Variants in PIBF1 observed in about 807,000 individuals in gnomAD.
PIBF1 encodes progesterone immunomodulatory binding factor 1.
Under a neutral mutation model 112.5 loss-of-function variants are expected in PIBF1, and 90 were observed. That is an observed-to-expected ratio of 0.80 (90% CI 0.67 to 0.95). The LOEUF is 0.95. PIBF1 is among the 40% of genes least tolerant of loss of function. PIBF1 has a pLI of 0.00. For missense variants in PIBF1, 915 were observed against 852.3 expected (o/e 1.07, Z -0.92); for synonymous variants, 301 against 288.6 (o/e 1.04, Z -0.44).
intron 8 of PIBF1, among the ~76,000 whole-genome samples, chr13:72,833,786 G>C (rs1471073633): frequency 6.6e-6 from 1 of 152,202 alleles, no homozygotes; most frequent in Admixed American, 6.5e-5. Context: ...TGTGCTGGGA[G>C]ACCCACTGCT....
chr13:73,008,244 C>T (rs886699723), intron 17 of PIBF1, among the ~76,000 whole-genome samples: 1 of 152,162 alleles, frequency 6.6e-6, no homozygotes, highest in Non-Finnish European at 1.5e-5. Flanking sequence ...TGAGTTCATA[C>T]AGCAAAATAT....
Position 72,995,571 on chromosome 13 carries a change from A to G in PIBF1, c.2050-3251A>G, listed in dbSNP as rs2043625771. ...TCAGTACATGATGTTGTTATAGGAG[A>G]GCCATCTTGAGGGGACAGATGTTGT... On this transcript the variant is annotated intron_variant, in intron 16 of 17. Coordinates refer to ENST00000326291, the MANE Select transcript of PIBF1 (RefSeq NM_006346.4). Among the ~76,000 whole-genome samples, 7 of 152,272 alleles carry G rather than the reference A, an allele frequency of 4.6e-5. No homozygotes were observed. The South Asian group carries it at 1.4e-3, about 32-fold the overall frequency.
intron 16 of PIBF1, among the ~76,000 whole-genome samples, chr13:72,985,325 A>G (rs950233122): frequency 1.3e-5 from 2 of 149,790 alleles, no homozygotes; most frequent in Non-Finnish European, 3.0e-5. Context: ...CAGGAGATCA[A>G]GACCATCCTG....
intron 6 of PIBF1, 127 bp from the exon 7 acceptor site, chr13:72,826,883 G>A (rs2036835059): frequency 2.1e-6 from 1 of 486,666 alleles, no homozygotes; most frequent in Non-Finnish European, 3.7e-6. Context: ...ATAGTTCATG[G>A]AATTACACTG....
intron 17 of PIBF1, among the ~76,000 whole-genome samples, chr13:73,013,907 C>T (rs898132754): frequency 3.9e-5 from 6 of 151,918 alleles, no homozygotes; most frequent in African/African-American, 1.5e-4. Flanking sequence ...AAACCACCAA[C>T]CTAAAATTCT....
intron 1 of PIBF1, among the ~76,000 whole-genome samples, chr13:72,782,875 C>CGTGTGTGTGT (rs34618038): frequency 8.8e-5 from 13 of 147,470 alleles, no homozygotes; most frequent in African/African-American, 2.5e-4. Context: ...TCGTTAAGGG[C>CGTGTGTGTGT]GTGTGTGTGT....
chr13:72,809,794 G>T (rs2035921153), intron 5 of PIBF1, among the ~76,000 whole-genome samples: 1 of 151,908 alleles, frequency 6.6e-6, no homozygotes, highest in African/African-American at 2.4e-5. Flanking sequence ...TCACCATGTT[G>T]ATCAGGCTGG....
chr13:72,916,330 C>T (rs1166407697), intron 12 of PIBF1, among the ~76,000 whole-genome samples: 2 of 151,362 alleles, frequency 1.3e-5, no homozygotes, highest in South Asian at 2.1e-4. Context: ...AGGCAGAGGT[C>T]GCTGTGAGCA....
At chr13:72,833,511 T>C (rs1320795902) in intron 8 of PIBF1, among the ~76,000 whole-genome samples, 1 of 152,222 alleles carries the variant, frequency 6.6e-6, no homozygotes, top group Non-Finnish European at 1.5e-5. Flanking sequence ...GCCCCTTTGC[T>C]GCTGGCCTGC....
At chr13:72,801,032 C>T (rs2035444962) in intron 5 of PIBF1, among the ~76,000 whole-genome samples, 1 of 152,040 alleles carries the variant, frequency 6.6e-6, no homozygotes, top group Admixed American at 6.6e-5. Context: ...AATGCAAAGG[C>T]AGGGGGGTAC....
intron 10 of PIBF1, among the ~76,000 whole-genome samples, chr13:72,865,407 T>C (rs1007954414): frequency 2.0e-5 from 3 of 152,184 alleles, no homozygotes; most frequent in Admixed American, 2.0e-4. Flanking sequence ...ATAGAGAATT[T>C]TACATAGTTG....
At chr13:72,939,631 T>C (rs1458914180) in intron 14 of PIBF1, among the ~76,000 whole-genome samples, 1 of 152,198 alleles carries the variant, frequency 6.6e-6, no homozygotes, top group Non-Finnish European at 1.5e-5. Flanking sequence ...TCATTTATCC[T>C]TTGATGAACA....
chr13:72,897,665 T>C (rs919406703), intron 11 of PIBF1, among the ~76,000 whole-genome samples: 4 of 152,204 alleles, frequency 2.6e-5, no homozygotes, highest in African/African-American at 9.7e-5. Context: ...GGGTAGCTAT[T>C]CTTACATCAG....
In PIBF1 at chr13:72,991,757, C is replaced by T. The variant is rs532787780; in HGVS notation, c.2050-7065C>T. Among the ~76,000 whole-genome samples, 6 of 151,088 alleles carry T rather than the reference C, an allele frequency of 4.0e-5. No individual in the cohort carries two copies. The East Asian group carries it at 1.2e-3, about 30-fold the overall frequency. ...TTTTTTAGATGGAGTCTCGCTCTGT[C>T]GCCCAGGCTGGAGTGCAGTGGCACG... is the stretch of plus-strand genomic sequence containing the variant. On this transcript the variant is annotated intron_variant, in intron 16 of 17. Coordinates refer to ENST00000326291, the MANE Select transcript of PIBF1 (RefSeq NM_006346.4).
chr13:72,920,937 C>A (rs967413876), intron 13 of PIBF1, among the ~76,000 whole-genome samples: 3 of 152,092 alleles, frequency 2.0e-5, no homozygotes, highest in Non-Finnish European at 4.4e-5. Flanking sequence ...ATTAAAGTTT[C>A]AAAGGAACCT....
intron 10 of PIBF1, among the ~76,000 whole-genome samples, chr13:72,881,653 T>C (rs1390122728): frequency 6.6e-6 from 1 of 150,796 alleles, no homozygotes; most frequent in African/African-American, 2.4e-5. Flanking sequence ...GAGGTGGAGG[T>C]TGCAGTGAGC....
intron 13 of PIBF1, among the ~76,000 whole-genome samples, chr13:72,919,788 CA>C (rs1236965796): frequency 1.3e-5 from 2 of 151,926 alleles, no homozygotes; most frequent in Admixed American, 1.3e-4. Context: ...GGCAACATGG[CA>C]AAACCCCATC....
chr13:72,836,616 T>G (rs146516218), intron 9 of PIBF1, among the ~76,000 whole-genome samples: 11 of 152,306 alleles, frequency 7.2e-5, no homozygotes, highest in African/African-American at 2.6e-4. Flanking sequence ...TTATTTAATA[T>G]AGCAGGTTGG....
chr13:72,956,147 A>G (rs920065548), intron 14 of PIBF1, among the ~76,000 whole-genome samples: 6 of 152,082 alleles, frequency 3.9e-5, no homozygotes, highest in African/African-American at 1.4e-4. Flanking sequence ...TTATGAATTC[A>G]TGTTATTGAA....
Sources: gnomAD v4.1 joint callset for allele counts (sites outside exome capture counted in the v4.1 genomes callset) on GRCh38, gnomAD v4.1.1 for gene constraint, MANE v1.5 for transcripts, NCBI Gene and HGNC (gene_info 2026-07-23, HGNC 2026-07-21) for gene names.